LAMA4: variants seen among roughly 807,000 people sequenced by gnomAD.
The protein encoded by LAMA4 is laminin subunit alpha 4, also known as laminin subunit alpha-4.
Under a neutral mutation model 207.1 loss-of-function variants are expected in LAMA4, and 127 were observed. The observed-to-expected ratio is 0.61, with a 90% CI of 0.53 to 0.71. The LOEUF (loss-of-function observed/expected upper bound fraction) is 0.71, where lower values mean the gene tolerates loss of function less well. Among genes scored for constraint, LAMA4 ranks in the 30% least tolerant of loss-of-function variants. LAMA4 has a pLI of 0.00. For missense variants in LAMA4, 2,093 were observed against 2,246.5 expected (o/e 0.93, Z 1.38); for synonymous variants, 761 against 816.0 (o/e 0.93, Z 1.15).
intron 2 of LAMA4, chr6:112,234,626 G>C (rs1166140026): frequency 6.0e-5 from 9 of 151,260 alleles, no homozygotes; most frequent in African/African-American, 2.2e-4. Context: ...ACGTAGTTTA[G>C]ATAATCTCAG....
rs1780973969 is a variant in LAMA4 at position 112,160,292 on chromosome 6, A to C, written c.1669-1412T>G. On this transcript the variant is annotated intron_variant, in intron 13 of 38. Coordinates refer to ENST00000230538, the MANE Select transcript of LAMA4 (RefSeq NM_001105206.3). ...ATGTATTTATAGCTACACCTACACA[A>C]AAATTTCTCTCCAATTTTAAGAGGA... is the stretch of plus-strand genomic sequence containing the variant. Among the ~76,000 whole-genome samples, 2 of 152,022 alleles carry C rather than the reference A, an allele frequency of 1.3e-5. 1 individual carries two copies. The highest frequency in any genetic ancestry group is 4.2e-4 in the South Asian group (2 of 4,804).
chr6:112,195,938 T>TACACACACAC (rs149514155), intron 5 of LAMA4, among the ~76,000 whole-genome samples: 52 of 147,448 alleles, frequency 3.5e-4, no homozygotes, highest in African/African-American at 1.2e-3. Context: ...ATGAACTAAG[T>TACACACACAC]ACACACACAC....
Position 112,129,093 on chromosome 6 carries a change from G to A in LAMA4, c.4134-18C>T, listed in dbSNP as rs2114635543. 1 of 1,596,044 alleles carries A rather than the reference G, an allele frequency of 6.3e-7. No individual in the cohort carries two copies. The highest frequency in any genetic ancestry group is 8.6e-7 in the Non-Finnish European group (1 of 1,165,072). ...TATCCACCCTGTGTTTGTAACAGAG[G>A]AAAAAATAAATATTAAAAATATTGT... is the stretch of plus-strand genomic sequence containing the variant. On this transcript the variant is annotated intron_variant, in intron 30 of 38. Transcript: ENST00000230538.
At chr6:112,253,762 T>G in intron 2 of LAMA4, 194 bp downstream of exon 2, 1 of 1,613,928 alleles carries the variant, frequency 6.2e-7, no homozygotes, top group Non-Finnish European at 8.5e-7. Flanking sequence ...AGCCTCAACT[T>G]TCAACTCTCA....
chr6:112,183,924 C>A (rs1387678843), intron 9 of LAMA4, among the ~76,000 whole-genome samples: 35 of 130,048 alleles, frequency 2.7e-4, no homozygotes, highest in Admixed American at 1.3e-3. Flanking sequence ...GCACTCCAGC[C>A]TGGGCAACAA....
At chr6:112,180,851 C>A (rs1022686209) in intron 9 of LAMA4, among the ~76,000 whole-genome samples, 1 of 152,172 alleles carries the variant, frequency 6.6e-6, no homozygotes, top group African/African-American at 2.4e-5. Context: ...AGAATTTGTA[C>A]AGTAATATCT....
chr6:112,141,790 C>G (rs368619208), intron 20 of LAMA4, among the ~76,000 whole-genome samples: 1 of 152,094 alleles, frequency 6.6e-6, no homozygotes, highest in Admixed American at 6.5e-5. Context: ...TACAGCCTGA[C>G]AGTACCGATC....
At chr6:112,194,808 G>A (rs1243518837) in intron 5 of LAMA4, among the ~76,000 whole-genome samples, 1 of 152,168 alleles carries the variant, frequency 6.6e-6, no homozygotes, top group Non-Finnish European at 1.5e-5. Flanking sequence ...TTTAGAGTAA[G>A]CATTGGAGCC....
At chr6:112,145,559 C>T (rs1259594836) in intron 18 of LAMA4, among the ~76,000 whole-genome samples, 2 of 152,160 alleles carry the variant, frequency 1.3e-5, no homozygotes, top group East Asian at 3.9e-4. Flanking sequence ...ACAGAGCAGG[C>T]AGTGTGAGAG....
At chr6:112,141,272 G>A in intron 21 of LAMA4, 86 bp downstream of exon 21, 1 of 1,152,606 alleles carries the variant, frequency 8.7e-7, no homozygotes, top group Non-Finnish European at 1.3e-6. Context: ...CTGTGTATGT[G>A]TGTGTGTGTG....
intron 2 of LAMA4, among the ~76,000 whole-genome samples, chr6:112,235,498 T>C (rs1277822459): frequency 1.3e-5 from 2 of 152,214 alleles, no homozygotes; most frequent in Non-Finnish European, 2.9e-5. Flanking sequence ...CGTTTCATTT[T>C]CTTCATTAAT....
intron 2 of LAMA4, among the ~76,000 whole-genome samples, chr6:112,222,821 T>G (rs1388232927): frequency 1.3e-5 from 2 of 152,248 alleles, no homozygotes; most frequent in African/African-American, 4.8e-5. Flanking sequence ...ATTTGTCTAA[T>G]TGAAACAATA....
Position 112,254,029 on chromosome 6 carries a change from G to T in LAMA4, c.122C>A (p.Ala41Glu). 6.3e-7 allele frequency: 1 copy of T among 1,594,150 alleles called. No homozygotes were observed. Among genetic ancestry groups the T allele is most frequent in the Non-Finnish European group, 8.5e-7 (1 of 1,169,950 alleles). The change falls in exon 2 of 39, where the codon GCG becomes GAG. Residue 41 changes from alanine to glutamate, a missense_variant. Around this residue, in one of 3 missense-constraint regions of LAMA4, gnomAD observed 1,704 missense variants for 1,788.4 expected, o/e 0.95. Coordinates refer to ENST00000230538, the MANE Select transcript of LAMA4 (RefSeq NM_001105206.3). ...CTCAGGCGGGTCTTGCCTGCCAACC[G>T]CTGAGCTCCCTTCAATGTCAAAAGG... ...AFPFDIEGSSAVGRQDPPETS... is the reference protein window; with the variant it reads ...AFPFDIEGSSEVGRQDPPETS...
chr6:112,233,514 A>G (rs1416596075), intron 2 of LAMA4, among the ~76,000 whole-genome samples: 1 of 152,206 alleles, frequency 6.6e-6, no homozygotes, highest in East Asian at 1.9e-4. Context: ...TTACTAGAAT[A>G]TCTGGAAGAA....
intron 5 of LAMA4, chr6:112,200,241 C>T (rs1332768427): frequency 2.0e-6 from 1 of 490,038 alleles, no homozygotes; most frequent in Non-Finnish European, 4.1e-6. Flanking sequence ...ATGTGCTTTT[C>T]AAAAGAAGAC....
intron 4 of LAMA4, among the ~76,000 whole-genome samples, chr6:112,202,112 A>G (rs1783782037): frequency 6.6e-6 from 1 of 152,174 alleles, no homozygotes; most frequent in Non-Finnish European, 1.5e-5. Context: ...AAACTATATA[A>G]TCTCCACAGA....
In LAMA4 at chr6:112,122,087, G is replaced by A. The variant is rs1562631261; in HGVS notation, c.4402C>T (p.His1468Tyr). The change falls in exon 32 of 39, where the codon CAC becomes TAC. Residue 1468 changes from histidine (H) to tyrosine (Y), a missense_variant. His to Tyr is a moderately conservative substitution (Grantham distance 83, BLOSUM62 2). Coordinates refer to ENST00000230538, the MANE Select transcript of LAMA4 (RefSeq NM_001105206.3). ...HLSNSPRAIEHAYQYGGTANS... is the reference protein window; with the variant it reads ...HLSNSPRAIEYAYQYGGTANS... ...GCTGTTCCTCCATATTGATAGGCGT[G>A]CTCTATTGCTCTAGGGCTGTTGGAA... The A allele has an allele frequency of 6.2e-7, 1 of 1,613,818 alleles. No homozygotes were observed. Among genetic ancestry groups the A allele is most frequent in the Admixed American group, 1.7e-5 (1 of 59,980 alleles).
chr6:112,212,777 A>G (rs1784423284), intron 3 of LAMA4, among the ~76,000 whole-genome samples: 1 of 152,226 alleles, frequency 6.6e-6, no homozygotes, highest in Non-Finnish European at 1.5e-5. Flanking sequence ...CAAGAAAAAC[A>G]GGAACAAGAA....
Position 112,216,413 on chromosome 6 carries a change from A to G in LAMA4, c.252T>C (p.Cys84=). The change falls in exon 3 of 39, where the codon TGT becomes TGC. Residue 84 remains cysteine, a synonymous_variant. Transcript: ENST00000230538. ...CCAAACACTCGTTGGAATTGCCATT[A>G]CAGTCGCAGGGCACACATTCTCCCG... ...TLSGECVPCD[C]NGNSNECLDG... 6.2e-7 allele frequency: 1 copy of G among 1,614,092 alleles called. No homozygotes were observed. Among genetic ancestry groups the G allele is most frequent in the Non-Finnish European group, 8.5e-7 (1 of 1,179,914 alleles).
Sources: allele counts gnomAD v4.1 joint callset (sites outside exome capture counted in the v4.1 genomes callset), GRCh38; gene constraint gnomAD v4.1.1; regional missense constraint gnomAD v4.1.1; transcripts MANE v1.5; gene names NCBI Gene and HGNC (gene_info 2026-07-23, HGNC 2026-07-21).